SCN9A: variants seen among roughly 807,000 people sequenced by gnomAD.
The protein encoded by SCN9A is sodium voltage-gated channel alpha subunit 9.
A neutral mutation model predicts 187.0 loss-of-function variants in SCN9A; 131 were observed. The ratio of observed to expected loss-of-function variants is 0.70; its 90% CI spans 0.61 to 0.81. The LOEUF (loss-of-function observed/expected upper bound fraction) is 0.81, where lower values mean the gene tolerates loss of function less well. Among genes scored for constraint, SCN9A ranks in the 30% least tolerant of loss-of-function variants. SCN9A has a pLI of 0.00. For missense variants in SCN9A, 2,252 were observed against 2,396.6 expected, an observed-to-expected ratio of 0.94 and a Z score of 1.26; for synonymous variants, 809 against 808.6, an observed-to-expected ratio of 1.00 and a Z score of -0.01.
chr2:166,317,448 A>G (rs1194147025), intron 1 of SCN9A, among the ~76,000 whole-genome samples: 1 of 152,150 alleles, frequency 6.6e-6, no homozygotes, highest in Non-Finnish European at 1.5e-5. Context: ...TTACCCACTC[A>G]CCATTAATCT....
chr2:166,298,234 G>A (rs774544991), intron 7 of SCN9A, among the ~76,000 whole-genome samples: 4 of 152,072 alleles, frequency 2.6e-5, no homozygotes, highest in Admixed American at 6.6e-5. Flanking sequence ...CCAATATTGC[G>A]GTTTTTTCAA....
intron 17 of SCN9A, among the ~76,000 whole-genome samples, chr2:166,266,122 C>CA (rs1348327192): frequency 3.3e-5 from 5 of 151,552 alleles, no homozygotes; most frequent in Middle Eastern, 3.2e-3. Flanking sequence ...AGGTTTTATC[C>CA]AAAAAAATCC....
At chr2:166,280,171 C>T (rs1305727122) in intron 14 of SCN9A, among the ~76,000 whole-genome samples, 186 bp downstream of exon 14, 2 of 152,164 alleles carry the variant, frequency 1.3e-5, no homozygotes, top group African/African-American at 4.8e-5. Context: ...TAGACCTCAA[C>T]AGTACTGCAC....
intron 1 of SCN9A, among the ~76,000 whole-genome samples, chr2:166,372,765 T>C (rs952242004): frequency 1.3e-5 from 2 of 152,172 alleles, no homozygotes; most frequent in African/African-American, 2.4e-5. Flanking sequence ...ATATGCTTTA[T>C]TCTGGAAGAA....
intron 5 of SCN9A, among the ~76,000 whole-genome samples, chr2:166,304,620 A>AT (rs912314692): frequency 6.6e-6 from 1 of 152,082 alleles, no homozygotes; most frequent in Non-Finnish European, 1.5e-5. Flanking sequence ...TAGACTTTTA[A>AT]TTTTTTATAA....
intron 24 of SCN9A, among the ~76,000 whole-genome samples, chr2:166,211,310 T>C (rs754553259): frequency 6.6e-6 from 1 of 151,984 alleles, no homozygotes; most frequent in Non-Finnish European, 1.5e-5. Context: ...TCCTTTAAAA[T>C]TAAGGAAGGA....
chr2:166,236,479 G>A (rs1047803366), intron 20 of SCN9A, among the ~76,000 whole-genome samples: 9 of 152,144 alleles, frequency 5.9e-5, no homozygotes, highest in Admixed American at 2.6e-4. Context: ...GGAGTGCAGT[G>A]GCACGATCTC....
intron 1 of SCN9A, chr2:166,321,565 T>C (rs1699243519): frequency 6.6e-6 from 1 of 151,034 alleles, no homozygotes; most frequent in South Asian, 2.1e-4. Context: ...AAACAACACA[T>C]ATTTTGAACT....
intron 26 of SCN9A, among the ~76,000 whole-genome samples, chr2:166,202,167 T>C (rs1005258760): frequency 1.3e-5 from 2 of 151,702 alleles, no homozygotes; most frequent in Non-Finnish European, 3.0e-5. Flanking sequence ...CCCCAAAGAA[T>C]ATTTTGTTTT....
chr2:166,273,957 G>A (rs962427604), intron 16 of SCN9A, among the ~76,000 whole-genome samples: 2 of 152,112 alleles, frequency 1.3e-5, no homozygotes, highest in Admixed American at 1.3e-4. Flanking sequence ...TCTGGAGGTC[G>A]GAGGTCTGGG....
At chr2:166,372,361 A>G (rs1387041598) in intron 1 of SCN9A, among the ~76,000 whole-genome samples, 2 of 152,146 alleles carry the variant, frequency 1.3e-5, no homozygotes, top group Non-Finnish European at 2.9e-5. Context: ...ATTTCTATCA[A>G]CTGAGCTCAC....
rs547938227 is a variant in SCN9A at position 166,350,926 on chromosome 2, T to C, written c.-51+24771A>G. Among the ~76,000 whole-genome samples the C allele has an allele frequency of 1.6e-4, 25 of 152,294 alleles. 1 individual carries two copies. The highest frequency in any genetic ancestry group is 6.0e-4 in the African/African-American group (25 of 41,568). On this transcript the variant is annotated intron_variant, in intron 1 of 26. Transcript: ENST00000642356. ...ATTTCAACTACAAATATAAAGCGAA[T>C]GCTATTTTGACGGTGACTTTTTTTA...
chr2:166,250,595 G>A (rs964793625), intron 18 of SCN9A, among the ~76,000 whole-genome samples: 14 of 152,030 alleles, frequency 9.2e-5, no homozygotes, highest in African/African-American at 3.1e-4. Context: ...CCTACTCTGG[G>A]CTTGTATTTT....
chr2:166,262,030 T>C (rs1464624910), intron 17 of SCN9A, among the ~76,000 whole-genome samples: 1 of 151,972 alleles, frequency 6.6e-6, no homozygotes, highest in Non-Finnish European at 1.5e-5. Flanking sequence ...TAGTGATATT[T>C]CTGAGTCACT....
chr2:166,317,949 A>T (rs890452525), intron 1 of SCN9A, among the ~76,000 whole-genome samples: 1 of 152,202 alleles, frequency 6.6e-6, no homozygotes, highest in African/African-American at 2.4e-5. Context: ...AGAATGTTAG[A>T]ATTTCTTTCT....
At chr2:166,246,688 A>T (rs1695805669) in intron 18 of SCN9A, among the ~76,000 whole-genome samples, 1 of 152,128 alleles carries the variant, frequency 6.6e-6, no homozygotes, top group Non-Finnish European at 1.5e-5. Flanking sequence ...TAAGAAAATT[A>T]TCCCTTTGGT....
At chr2:166,277,554 A>T (rs1421846880) in intron 15 of SCN9A, among the ~76,000 whole-genome samples, 1 of 152,176 alleles carries the variant, frequency 6.6e-6, no homozygotes, top group Non-Finnish European at 1.5e-5. Context: ...CATATTATGA[A>T]GAAACTATGT....
chr2:166,227,958 T>C (rs1172713686), intron 22 of SCN9A, among the ~76,000 whole-genome samples: 1 of 152,164 alleles, frequency 6.6e-6, no homozygotes, highest in Non-Finnish European at 1.5e-5. Flanking sequence ...GCCTGTGAAT[T>C]TCGCACATAA....
intron 2 of SCN9A, 46 bp downstream of exon 2, chr2:166,311,452 AG>A: frequency 7.1e-7 from 1 of 1,398,798 alleles, no homozygotes; most frequent in Non-Finnish European, 9.4e-7. Flanking sequence ...ATTTTTATAC[AG>A]AAGGAAGCCA....
Sources: allele counts gnomAD v4.1 joint callset (sites outside exome capture counted in the v4.1 genomes callset), GRCh38; gene constraint gnomAD v4.1.1; transcripts MANE v1.5; gene names NCBI Gene and HGNC (gene_info 2026-07-23, HGNC 2026-07-21).